MARCHF8: variants seen among roughly 807,000 people sequenced by gnomAD.
MARCHF8 encodes the protein membrane associated ring-CH-type finger 8.
Under a neutral mutation model 51.6 loss-of-function variants are expected in MARCHF8, and 40 were observed. The ratio of observed to expected loss-of-function variants is 0.77; its 90% CI spans 0.60 to 1.01. The LOEUF is 1.01. Ranked by LOEUF, MARCHF8 falls within the 50% of genes least tolerant of loss-of-function variation. The pLI is 0.00. For missense variants in MARCHF8, 685 were observed against 708.6 expected (o/e 0.97, Z 0.38); for synonymous variants, 263 against 280.3 (o/e 0.94, Z 0.62).
In MARCHF8 at chr10:45,462,906, G is replaced by A. The variant is rs112091789; in HGVS notation, c.1088+245C>T. On this transcript the variant is annotated intron_variant, in intron 5 of 7. Transcript: ENST00000453424. The stretch of plus-strand genomic sequence containing the variant: ...CTCCCAAAGTGCTGGGATTACAGGC[G>A]TGAGCCACTGCGCCCAGCCAGCTTC... Among the ~76,000 whole-genome samples, 21 of 152,304 alleles carry A rather than the reference G, an allele frequency of 1.4e-4. 2 individuals carry two copies. Among genetic ancestry groups the A allele is most frequent in the African/African-American group, 3.4e-4 (14 of 41,568 alleles).
chr10:45,511,824 C>G (rs986271685), intron 2 of MARCHF8, among the ~76,000 whole-genome samples: 1 of 152,012 alleles, frequency 6.6e-6, no homozygotes, highest in Non-Finnish European at 1.5e-5. Flanking sequence ...TCTGCCCGGC[C>G]GCCACCCCGT....
chr10:45,483,421 G>A (rs748714198), intron 3 of MARCHF8, among the ~76,000 whole-genome samples: 53 of 152,180 alleles, frequency 3.5e-4, no homozygotes, highest in Non-Finnish European at 6.0e-4. Context: ...AATAACAGAT[G>A]TTGGTGAGGA....
At chr10:45,594,012 T>C (rs1276988115) in intron 1 of MARCHF8, among the ~76,000 whole-genome samples, 3 of 152,172 alleles carry the variant, frequency 2.0e-5, no homozygotes, top group Non-Finnish European at 4.4e-5. Context: ...GTTCCATTTT[T>C]ATTTATTTAT....
At chr10:45,515,809 T>G (rs2043609163) in intron 2 of MARCHF8, among the ~76,000 whole-genome samples, 1 of 152,246 alleles carries the variant, frequency 6.6e-6, no homozygotes, top group South Asian at 2.1e-4. Context: ...GATGCCGCAT[T>G]CAAGCAGCTT....
chr10:45,469,943 T>C (rs1843113257), intron 3 of MARCHF8, among the ~76,000 whole-genome samples: 1 of 148,238 alleles, frequency 6.7e-6, no homozygotes, highest in Non-Finnish European at 1.5e-5. Flanking sequence ...AGTCACTGCC[T>C]GACTGTATTT....
intron 3 of MARCHF8, among the ~76,000 whole-genome samples, chr10:45,476,217 A>G (rs1186469063): frequency 6.6e-6 from 1 of 152,258 alleles, no homozygotes; most frequent in Non-Finnish European, 1.5e-5. Flanking sequence ...ATAAATTCCA[A>G]TCAAAAAGAA....
At chr10:45,471,578 A>G (rs1207365668) in intron 3 of MARCHF8, among the ~76,000 whole-genome samples, 1 of 152,218 alleles carries the variant, frequency 6.6e-6, no homozygotes, top group Non-Finnish European at 1.5e-5. Context: ...AACTTTTCAA[A>G]TATAGTCGAA....
intron 1 of MARCHF8, among the ~76,000 whole-genome samples, chr10:45,579,242 T>C (rs2044525331): frequency 6.6e-6 from 1 of 152,176 alleles, no homozygotes; most frequent in Admixed American, 6.6e-5. Context: ...ATAAAGCTAA[T>C]GAGGTAAAAT....
At chr10:45,495,715 C>T (rs964576252) in intron 2 of MARCHF8, among the ~76,000 whole-genome samples, 4 of 123,752 alleles carry the variant, frequency 3.2e-5, no homozygotes, top group Non-Finnish European at 6.3e-5. Flanking sequence ...AACATTATCA[C>T]AAGCTTTCTT....
intron 1 of MARCHF8, among the ~76,000 whole-genome samples, chr10:45,563,336 CTT>C (rs1253350252): frequency 6.6e-6 from 1 of 152,064 alleles, no homozygotes; most frequent in Non-Finnish European, 1.5e-5. Flanking sequence ...CCCGATTTTT[CTT>C]AAAGACAGGT....
intron 1 of MARCHF8, among the ~76,000 whole-genome samples, chr10:45,579,220 G>T (rs1301479624): frequency 6.6e-6 from 1 of 152,142 alleles, no homozygotes; most frequent in Non-Finnish European, 1.5e-5. Flanking sequence ...AAAAAGAAAG[G>T]GGGAAAGAGT....
At chr10:45,582,935 G>A (rs924330388) in intron 1 of MARCHF8, among the ~76,000 whole-genome samples, 4 of 152,084 alleles carry the variant, frequency 2.6e-5, no homozygotes, top group African/African-American at 9.7e-5. Context: ...CTAAAAATAC[G>A]GATGTAACCA....
chr10:45,466,350 T>C (rs371406280), intron 3 of MARCHF8, among the ~76,000 whole-genome samples: 2 of 152,208 alleles, frequency 1.3e-5, no homozygotes, highest in Non-Finnish European at 2.9e-5. Context: ...TCAACACACA[T>C]AGGCAAGGCT....
Position 45,463,937 on chromosome 10 carries a change from G to A in MARCHF8, c.302C>T (p.Ser101Leu), listed in dbSNP as rs12769244. The A allele has an allele frequency of 0.065, 99,347 of 1,536,136 alleles. 3,442 individuals carry two copies. The highest frequency in any genetic ancestry group is 0.083 in the East Asian group (3,404 of 40,922). ...HHSSVQSAVVSKAPHCQSSLT... is the reference protein window; with the variant it reads ...HHSSVQSAVVLKAPHCQSSLT... The stretch of plus-strand genomic sequence containing the variant: ...AGAACTCTGGCAGTGAGGAGCTTTC[G>A]AGACAACAGCAGACTGCACGGAACT... Residue 101 changes from serine (S) to leucine (L), a missense_variant, in exon 5 of 8, where the codon TCG becomes TTG. Ser to Leu is a moderately radical substitution (Grantham distance 145, BLOSUM62 -2). Coordinates refer to ENST00000453424, the MANE Select transcript of MARCHF8 (RefSeq NM_001282866.2).
Position 45,458,163 on chromosome 10 carries a change from A to C in MARCHF8, c.*76T>G, listed in dbSNP as rs1842664477. ...AGTCTATGCTATTAAAGGACATAAG[A>C]AAGGTATACAATTGGCAGTAAACAA... On this transcript the variant is annotated 3_prime_UTR_variant, in exon 8 of 8. Coordinates refer to ENST00000453424, the MANE Select transcript of MARCHF8 (RefSeq NM_001282866.2). 7.1e-7 allele frequency: 1 copy of C among 1,408,276 alleles called. No individual in the cohort carries two copies. The highest frequency in any genetic ancestry group is 9.6e-7 in the Non-Finnish European group (1 of 1,038,278). The allele number at this position is 1,408,276 out of a possible 1,614,324, so 87.2% of individuals were successfully genotyped here.
rs564760014 is a variant in MARCHF8 at position 45,587,939 on chromosome 10, A to T, written c.-79+6296T>A. ...GAGCCCAAGGCCTCCTCGGACAAAAAATAAAATTAAAATTAAAAAACTGTG... is the reference window on the plus strand; with the variant it reads ...GAGCCCAAGGCCTCCTCGGACAAAATATAAAATTAAAATTAAAAAACTGTG... On this transcript the variant is annotated intron_variant, in intron 1 of 6. Coordinates refer to the MARCHF8 transcript ENST00000319836. 1.1e-4 allele frequency among the ~76,000 whole-genome samples: 17 copies of T among 152,244 alleles called. 1 individual carries two copies. The highest frequency in any genetic ancestry group is 2.1e-4 in the Non-Finnish European group (14 of 68,008).
chr10:45,462,842 T>A (rs1842836017), intron 5 of MARCHF8, among the ~76,000 whole-genome samples: 1 of 152,070 alleles, frequency 6.6e-6, no homozygotes, highest in South Asian at 2.1e-4. Context: ...GCCAAGCTGG[T>A]CTCAAACTCC....
chr10:45,565,446 T>C (rs1190696396), intron 1 of MARCHF8, among the ~76,000 whole-genome samples: 1 of 151,740 alleles, frequency 6.6e-6, no homozygotes, highest in Non-Finnish European at 1.5e-5. Context: ...TAAAAATAAA[T>C]ATAAACATAT....
At chr10:45,547,922 T>C (rs2044147400) in intron 1 of MARCHF8, among the ~76,000 whole-genome samples, 1 of 152,222 alleles carries the variant, frequency 6.6e-6, no homozygotes, top group African/African-American at 2.4e-5. Context: ...CTCAAATAGT[T>C]AGGTCGAATT....
Sources: gnomAD v4.1 joint callset for allele counts (sites outside exome capture counted in the v4.1 genomes callset) on GRCh38, gnomAD v4.1.1 for gene constraint, MANE v1.5 for transcripts, NCBI Gene and HGNC (gene_info 2026-07-23, HGNC 2026-07-21) for gene names.